Variants in MEF2A observed in about 807,000 individuals in gnomAD.
MEF2A encodes the protein myocyte enhancer factor 2A, also known as myocyte-specific enhancer factor 2A.
A neutral mutation model predicts 55.8 loss-of-function variants in MEF2A; 28 were observed. The ratio of observed to expected loss-of-function variants is 0.50; its 90% CI spans 0.37 to 0.69. The LOEUF (loss-of-function observed/expected upper bound fraction) is 0.69. MEF2A is among the 30% of genes least tolerant of loss of function. The pLI, the probability that MEF2A is intolerant of heterozygous loss-of-function variation, is 0.00. For synonymous variants in MEF2A, 239 were observed against 227.1 expected, an observed-to-expected ratio of 1.05 and a Z score of -0.47; for missense variants, 528 against 626.2, an observed-to-expected ratio of 0.84 and a Z score of 1.67.
chr15:99,574,181 C>A (rs991396817), intron 1 of MEF2A, among the ~76,000 whole-genome samples: 1 of 152,126 alleles, frequency 6.6e-6, no homozygotes, highest in African/African-American at 2.4e-5. Context: ...GTCGTTCTTG[C>A]TCTCTTTTTA....
intron 8 of MEF2A, among the ~76,000 whole-genome samples, chr15:99,694,852 G>A (rs1050424217): frequency 1.3e-5 from 2 of 152,008 alleles, no homozygotes; most frequent in Non-Finnish European, 2.9e-5. Flanking sequence ...ATATGGACTC[G>A]TGGGCATTTA....
intron 8 of MEF2A, among the ~76,000 whole-genome samples, chr15:99,691,510 C>T (rs1380698410): frequency 6.6e-6 from 1 of 151,948 alleles, no homozygotes; most frequent in African/African-American, 2.4e-5. Flanking sequence ...CCAGCCTGGC[C>T]AACATGGTGA....
intron 8 of MEF2A, among the ~76,000 whole-genome samples, chr15:99,701,485 G>T (rs1412100044): frequency 6.6e-6 from 1 of 152,182 alleles, no homozygotes; most frequent in African/African-American, 2.4e-5. Context: ...AGAACTAAAG[G>T]CTTGTGGGAT....
intron 1 of MEF2A, among the ~76,000 whole-genome samples, chr15:99,572,511 T>C (rs2152742556): frequency 1.4e-5 from 2 of 140,294 alleles, no homozygotes; most frequent in Non-Finnish European, 1.6e-5. Context: ...ATTACCTGAA[T>C]GTAAACTCCA....
Position 99,591,121 on chromosome 15 carries a change from A to G in MEF2A, c.-224-7309A>G, listed in dbSNP as rs944157524. Among the ~76,000 whole-genome samples, 7 of 152,266 alleles carry G rather than the reference A, an allele frequency of 4.6e-5. No homozygotes were observed. The East Asian group carries it at 5.8e-4, about 13-fold the overall frequency. ...TGATACATTATTCTTAGCTGAGTCC[A>G]TAGTTCACATTAGGGCTCACTCTGT... On this transcript the variant is annotated intron_variant, in intron 1 of 11. Transcript: ENST00000557942.
intron 8 of MEF2A, among the ~76,000 whole-genome samples, chr15:99,699,550 A>G (rs1272737842): frequency 7.2e-5 from 11 of 152,236 alleles, no homozygotes; most frequent in Admixed American, 2.6e-4. Flanking sequence ...CAATTTAGTA[A>G]AAAAAGATTC....
At chr15:99,707,608 TAAG>T (rs999473495) in intron 10 of MEF2A, among the ~76,000 whole-genome samples, 5 of 152,154 alleles carry the variant, frequency 3.3e-5, no homozygotes, top group African/African-American at 1.2e-4. Context: ...TTTACCAATC[TAAG>T]AAGGAGTGGA....
chr15:99,674,864 T>C (rs1381808624), intron 6 of MEF2A, among the ~76,000 whole-genome samples: 1 of 152,176 alleles, frequency 6.6e-6, no homozygotes, highest in Admixed American at 6.5e-5. Flanking sequence ...AGCCATACTT[T>C]GACAGGCAGA....
chr15:99,605,215 T>C (rs1451998334), intron 2 of MEF2A, among the ~76,000 whole-genome samples: 1 of 152,246 alleles, frequency 6.6e-6, no homozygotes, highest in East Asian at 1.9e-4. Context: ...CCCAAAGTGC[T>C]GGAATTATAG....
intron 2 of MEF2A, among the ~76,000 whole-genome samples, chr15:99,602,653 G>GGGT (rs1555454713): frequency 2.2e-5 from 1 of 44,842 alleles, no homozygotes; most frequent in African/African-American, 7.1e-5. Context: ...ACATTCCTGG[G>GGGT]GTGTGTGTGT....
intron 2 of MEF2A, among the ~76,000 whole-genome samples, chr15:99,599,612 A>G (rs963402082): frequency 6.6e-6 from 1 of 152,284 alleles, no homozygotes; most frequent in East Asian, 1.9e-4. Context: ...GATAATCTTT[A>G]GTTTAGGAGA....
rs191689149 is a variant in MEF2A, at chr15:99,623,030, C to T, written c.-142-9948C>T. 3.0e-3 allele frequency among the ~76,000 whole-genome samples: 450 copies of T among 152,250 alleles called. 4 individuals are homozygous for T. Among genetic ancestry groups the T allele is most frequent in the African/African-American group, 0.01 (422 of 41,568 alleles). On this transcript the variant is annotated intron_variant, in intron 2 of 11. Transcript: ENST00000557942. ...GTTTTCATCTTCTCAAACTGAAACTCTGTACTCATTACACAGTGACACCCT... is the reference window on the plus strand; with the variant it reads ...GTTTTCATCTTCTCAAACTGAAACTTTGTACTCATTACACAGTGACACCCT...
intron 2 of MEF2A, among the ~76,000 whole-genome samples, chr15:99,625,154 G>A (rs961246537): frequency 1.3e-5 from 2 of 152,072 alleles, no homozygotes; most frequent in African/African-American, 4.8e-5. Context: ...AATTTATGGT[G>A]GGTTTATAGG....
intron 1 of MEF2A, among the ~76,000 whole-genome samples, chr15:99,586,853 T>C (rs1967473354): frequency 6.6e-6 from 1 of 152,214 alleles, no homozygotes. Context: ...TATGAGGTAA[T>C]GTCAAGGTTC....
At chr15:99,666,354 C>T (rs1056894490) in intron 4 of MEF2A, among the ~76,000 whole-genome samples, 6 of 152,170 alleles carry the variant, frequency 3.9e-5, no homozygotes, top group Non-Finnish European at 5.9e-5. Context: ...AAACTAAACA[C>T]CGCATGTTCT....
At chr15:99,635,136 T>C (rs938066236) in intron 3 of MEF2A, among the ~76,000 whole-genome samples, 1 of 152,188 alleles carries the variant, frequency 6.6e-6, no homozygotes, top group Non-Finnish European at 1.5e-5. Context: ...ATAGCCTACA[T>C]AGGAGATCTA....
intron 4 of MEF2A, among the ~76,000 whole-genome samples, chr15:99,670,114 T>G (rs554837045): frequency 2.6e-5 from 4 of 152,262 alleles, no homozygotes; most frequent in East Asian, 1.9e-4. Context: ...AAGAAAGAAA[T>G]AAGACATTCT....
At chr15:99,659,741 G>A (rs2048331668) in intron 4 of MEF2A, among the ~76,000 whole-genome samples, 1 of 152,170 alleles carries the variant, frequency 6.6e-6, no homozygotes, top group Non-Finnish European at 1.5e-5. Flanking sequence ...AGATGAACTA[G>A]AGGATCACAA....
chr15:99,612,191 G>A (rs145972665), intron 2 of MEF2A, among the ~76,000 whole-genome samples: 93 of 152,218 alleles, frequency 6.1e-4, no homozygotes, highest in Admixed American at 1.2e-3. Context: ...CGAGATGGGT[G>A]GATCATGAGG....
Sources: allele counts gnomAD v4.1 joint callset (sites outside exome capture counted in the v4.1 genomes callset), GRCh38; gene constraint gnomAD v4.1.1; transcripts MANE v1.5; gene names NCBI Gene and HGNC (gene_info 2026-07-23, HGNC 2026-07-21).